Variants in RPS6KA2 observed in about 807,000 individuals in gnomAD.
RPS6KA2 encodes the protein ribosomal protein S6 kinase A2.
RPS6KA2 carries 42 observed loss-of-function variants against 91.8 expected under a neutral mutation model. That is an observed-to-expected ratio of 0.46 (90% confidence interval 0.36 to 0.59). RPS6KA2 has a LOEUF of 0.59. RPS6KA2 is among the 20% of genes least tolerant of loss of function. RPS6KA2 has a pLI of 0.00. For synonymous variants in RPS6KA2, 414 were observed against 393.6 expected (o/e 1.05, Z -0.61); for missense variants, 798 against 978.5 (o/e 0.82, Z 2.46).
intron 19 of RPS6KA2, among the ~76,000 whole-genome samples, chr6:166,416,799 A>G (rs1199173415): frequency 7.1e-6 from 1 of 140,252 alleles, no homozygotes; most frequent in Non-Finnish European, 1.5e-5. Flanking sequence ...TCCCTCCACC[A>G]TGCCTTCACC....
chr6:166,772,929 A>C (rs1317311536), intron 2 of RPS6KA2, among the ~76,000 whole-genome samples: 1 of 152,140 alleles, frequency 6.6e-6, no homozygotes, highest in African/African-American at 2.4e-5. Flanking sequence ...GGAATCTGGA[A>C]TGACTTGGAC....
At position 166,423,344 on chromosome 6, in the gene RPS6KA2, A is replaced by C. The variant is rs777915458; in HGVS notation, c.1655T>G (p.Val552Gly). Reference sequence around the variant, plus strand: ...CTGCTTGGCAAAGCCGAAGTCGCAGACTCGGATGGATTCTGGGCTCCCCGA... The same window carrying C: ...CTGCTTGGCAAAGCCGAAGTCGCAGCCTCGGATGGATTCTGGGCTCCCCGA... ...DESGSPESIR[V>G]CDFGFAKQLR... Residue 552 changes from valine (V) to glycine (G), a missense_variant, in exon 17 of 21, where the codon GTC becomes GGC. Val to Gly is a moderately radical substitution (Grantham distance 109, BLOSUM62 -3). Transcript: ENST00000265678. This position sits in a 1 kb window ranked among gnomAD's most constrained non-coding sequence, Gnocchi z 4.8. The C allele has an allele frequency of 6.2e-7, 1 of 1,614,106 alleles. No homozygotes were observed. The highest frequency in any genetic ancestry group is 8.5e-7 in the Non-Finnish European group (1 of 1,180,002).
At chr6:166,822,055 C>A (rs1221140886) in intron 2 of RPS6KA2, among the ~76,000 whole-genome samples, 1 of 152,198 alleles carries the variant, frequency 6.6e-6, no homozygotes, top group East Asian at 1.9e-4. Context: ...GCTGCTCGCG[C>A]CACCACCATC....
At chr6:166,751,630 G>A (rs1445374705) in intron 2 of RPS6KA2, among the ~76,000 whole-genome samples, 1 of 152,236 alleles carries the variant, frequency 6.6e-6, no homozygotes, top group Non-Finnish European at 1.5e-5. Context: ...AAGTGTCTGA[G>A]CTTGGAATCA....
intron 2 of RPS6KA2, among the ~76,000 whole-genome samples, chr6:166,752,185 T>C (rs956025843): frequency 6.6e-6 from 1 of 152,268 alleles, no homozygotes; most frequent in African/African-American, 2.4e-5. Context: ...ACCTGTGATC[T>C]TCCAGATGGG....
chr6:166,735,029 A>C (rs1790637667), intron 2 of RPS6KA2, among the ~76,000 whole-genome samples: 1 of 152,188 alleles, frequency 6.6e-6, no homozygotes, highest in South Asian at 2.1e-4. Flanking sequence ...TTTAGATCCA[A>C]TTTCTGAATT....
At chr6:166,484,326 A>G (rs995194223) in intron 10 of RPS6KA2, among the ~76,000 whole-genome samples, 1 of 152,208 alleles carries the variant, frequency 6.6e-6, no homozygotes, top group African/African-American at 2.4e-5. Flanking sequence ...GGATCTCATC[A>G]CTTAGTGAAT....
chr6:166,801,303 G>A (rs1034129126), intron 2 of RPS6KA2, among the ~76,000 whole-genome samples: 8 of 151,542 alleles, frequency 5.3e-5, no homozygotes, highest in Non-Finnish European at 1.2e-4. Flanking sequence ...GGTGGGGAGA[G>A]GAAAAGAATC....
Position 166,778,946 on chromosome 6 carries a change from AG to A in RPS6KA2, c.123+79253del, listed in dbSNP as rs1323814048. 5.9e-5 allele frequency among the ~76,000 whole-genome samples: 9 copies of A among 152,352 alleles called. No individual in the cohort carries two copies. The East Asian group carries it at 1.7e-3, about 29-fold the overall frequency. ...ACTACACTGATGCTCTGATACACCC[AG>A]CATTCAGCTGCTTTGGAGAGCAGTT... On this transcript the variant is annotated intron_variant, in intron 2 of 21. Coordinates refer to the RPS6KA2 transcript ENST00000503859.
At chr6:166,786,082 T>C (rs192398327) in intron 2 of RPS6KA2, among the ~76,000 whole-genome samples, 5 of 152,162 alleles carry the variant, frequency 3.3e-5, no homozygotes, top group Non-Finnish European at 7.3e-5. Context: ...TTCTTGTTAT[T>C]TGAGAAAATT....
intron 2 of RPS6KA2, among the ~76,000 whole-genome samples, chr6:166,682,776 C>T (rs1788870938): frequency 6.6e-6 from 1 of 152,160 alleles, no homozygotes; most frequent in South Asian, 2.1e-4. Context: ...AGCCCTACTG[C>T]CTGTCCTCAG....
intron 13 of RPS6KA2, among the ~76,000 whole-genome samples, chr6:166,449,490 C>T (rs1002166059): frequency 6.6e-6 from 1 of 152,158 alleles, no homozygotes; most frequent in African/African-American, 2.4e-5. Context: ...CCTTAGAATT[C>T]TCTGTATTCT....
chr6:166,517,290 T>C (rs1170450226), intron 3 of RPS6KA2, among the ~76,000 whole-genome samples: 2 of 150,964 alleles, frequency 1.3e-5, no homozygotes, highest in Non-Finnish European at 3.0e-5. Flanking sequence ...AGCCGAAGAG[T>C]TGGAGACAAG....
chr6:166,551,287 G>A (rs1403150385), intron 1 of RPS6KA2, among the ~76,000 whole-genome samples: 4 of 152,200 alleles, frequency 2.6e-5, no homozygotes, highest in Non-Finnish European at 4.4e-5. Flanking sequence ...TTGGGGCAAT[G>A]GAAGAGAACT....
At chr6:166,672,064 C>T (rs145067006) in intron 2 of RPS6KA2, among the ~76,000 whole-genome samples, 17 of 152,230 alleles carry the variant, frequency 1.1e-4, no homozygotes, top group East Asian at 3.9e-4. Context: ...CTGTGGGTCC[C>T]GCTAGTTGCT....
intron 1 of RPS6KA2, among the ~76,000 whole-genome samples, chr6:166,568,930 C>T (rs957251148): frequency 8.5e-5 from 13 of 152,122 alleles, no homozygotes; most frequent in Admixed American, 7.9e-4. Flanking sequence ...CTGCTTCTTC[C>T]TGATTTCATG....
intron 1 of RPS6KA2, among the ~76,000 whole-genome samples, chr6:166,549,157 A>C (rs1291223316): frequency 6.6e-6 from 1 of 152,234 alleles, no homozygotes; most frequent in Non-Finnish European, 1.5e-5. Context: ...TAAAATAAAA[A>C]AATAGTGATA....
chr6:166,601,756 A>C (rs1785737935), intron 1 of RPS6KA2, among the ~76,000 whole-genome samples: 1 of 152,184 alleles, frequency 6.6e-6, no homozygotes, highest in African/African-American at 2.4e-5. Context: ...AATGCAAGTC[A>C]TTAAAGACCA....
At chr6:166,703,437 T>C (rs550313788) in intron 2 of RPS6KA2, among the ~76,000 whole-genome samples, 152 of 152,342 alleles carry the variant, frequency 1.0e-3, no homozygotes, top group African/African-American at 3.5e-3. Context: ...TCAAAGAATA[T>C]GCATATTGTC....
Sources: gnomAD v4.1 joint callset for allele counts (sites outside exome capture counted in the v4.1 genomes callset) on GRCh38, gnomAD v4.1.1 for gene constraint, Gnocchi (gnomAD v3.1) non-coding constraint, MANE v1.5 for transcripts, NCBI Gene and HGNC (gene_info 2026-07-23, HGNC 2026-07-21) for gene names.